The following KANSL1 variants were observed in gnomAD, a reference collection of about 807,000 sequenced individuals.
The protein encoded by KANSL1 is KAT8 regulatory NSL complex subunit 1.
A neutral mutation model predicts 103.6 loss-of-function variants in KANSL1; 22 were observed. The ratio of observed to expected loss-of-function variants is 0.21; its 90% confidence interval spans 0.15 to 0.30. KANSL1 has a LOEUF of 0.30. Among genes scored for constraint, KANSL1 ranks in the 10% least tolerant of loss-of-function variants. The pLI is 1.00. For missense variants in KANSL1, 1,337 were observed against 1,399.8 expected (o/e 0.96, Z 0.72); for synonymous variants, 600 against 527.6 (o/e 1.14, Z -1.88).
chr17:46,103,335 A>G (rs1367587729), intron 2 of KANSL1, among the ~76,000 whole-genome samples: 5 of 152,230 alleles, frequency 3.3e-5, no homozygotes, highest in African/African-American at 9.6e-5. Flanking sequence ...TACCTCATCT[A>G]TAACATCTAT....
At chr17:46,191,861 G>C (rs772589850) in intron 1 of KANSL1, among the ~76,000 whole-genome samples, 21 of 152,194 alleles carry the variant, frequency 1.4e-4, no homozygotes, top group Non-Finnish European at 2.9e-4. Flanking sequence ...GAGATTTCTC[G>C]GAACTTTGGG....
chr17:46,093,011 C>CAT (rs1192035661), intron 3 of KANSL1: 1 of 152,194 alleles, frequency 6.6e-6, no homozygotes, highest in Admixed American at 6.5e-5. Flanking sequence ...TATAAACCCA[C>CAT]ATATATATTT....
intron 1 of KANSL1, among the ~76,000 whole-genome samples, chr17:46,178,050 T>C (rs2046611675): frequency 6.6e-6 from 1 of 152,238 alleles, no homozygotes; most frequent in Admixed American, 6.5e-5. Context: ...GTGCTGGGAT[T>C]ACAGGCATGA....
At chr17:46,053,073 A>G (rs2077782572) in intron 6 of KANSL1, among the ~76,000 whole-genome samples, 2 of 146,886 alleles carry the variant, frequency 1.4e-5, no homozygotes, top group South Asian at 4.6e-4. Context: ...GGATAACCTG[A>G]GGTCAGGAGT....
intron 7 of KANSL1, among the ~76,000 whole-genome samples, chr17:46,047,391 G>A (rs2077550286): frequency 6.6e-6 from 1 of 152,180 alleles, no homozygotes; most frequent in African/African-American, 2.4e-5. Flanking sequence ...TATTGTCTAT[G>A]GCTGCTTTTG....
In KANSL1 at chr17:46,114,639, CTAATT is replaced by C. The variant is rs2042965593; in HGVS notation, c.1290-19943_1290-19939del. Among the ~76,000 whole-genome samples, 3 of 152,172 alleles carry C rather than the reference CTAATT, an allele frequency of 2.0e-5. No homozygotes were observed. In the South Asian group the frequency reaches 6.2e-4, roughly 31 times the overall value. The stretch of plus-strand genomic sequence containing the variant: ...AGCAAGAAAGAAGGTCTCTGATATA[CTAATT>C]TAAAGACATATACACTCTTGATAGA... On this transcript the variant is annotated intron_variant, in intron 2 of 14. Coordinates refer to ENST00000432791, the MANE Select transcript of KANSL1 (RefSeq NM_015443.4).
upstream of KANSL1, chr17:46,193,635 C>T (rs1367957703): frequency 1.9e-5 from 6 of 308,348 alleles, no homozygotes; most frequent in Non-Finnish European, 3.4e-5. Context: ...TGTTTTTGTA[C>T]CTCCATCTGC....
intron 2 of KANSL1, chr17:46,157,039 C>T (rs959289639): frequency 2.0e-5 from 3 of 152,202 alleles, no homozygotes; most frequent in Non-Finnish European, 4.4e-5. Context: ...CAAGGTTAAT[C>T]TTGGTGATAA....
chr17:46,100,444 C>CCCAAAAAA (rs1555763353), intron 2 of KANSL1, among the ~76,000 whole-genome samples: 1 of 88,264 alleles, frequency 1.1e-5, no homozygotes, highest in Admixed American at 1.2e-4. Flanking sequence ...TCCCTCTCCC[C>CCCAAAAAA]AAAAAAAAAA....
At chr17:46,081,675 GGTTT>G (rs1349688618) in intron 4 of KANSL1, among the ~76,000 whole-genome samples, 2 of 152,098 alleles carry the variant, frequency 1.3e-5, no homozygotes, top group African/African-American at 4.8e-5. Context: ...CTATAAGGTT[GGTTT>G]ATTTGCGGAT....
At chr17:46,105,952 C>CACACACACACACAA (rs1391201694) in intron 2 of KANSL1, among the ~76,000 whole-genome samples, 1 of 123,580 alleles carries the variant, frequency 8.1e-6, no homozygotes, top group Non-Finnish European at 1.8e-5. Flanking sequence ...CACACACCCC[C>CACACACACACACAA]CCAGAAGGGT....
rs1263813959 is a variant in KANSL1, at chr17:46,171,237, T to C, written c.907A>G (p.Lys303Glu). 6.2e-7 allele frequency: 1 copy of C among 1,613,996 alleles called. No homozygotes were observed. Among genetic ancestry groups the C allele is most frequent in the Non-Finnish European group, 8.5e-7 (1 of 1,180,046 alleles). The change falls in exon 2 of 15, where the codon AAG becomes GAG. Residue 303 changes from lysine to glutamate, a missense_variant. This residue lies in a region of KANSL1 where 557 missense variants were observed against 476.4 expected (regional missense o/e 1.17). Coordinates refer to ENST00000432791, the MANE Select transcript of KANSL1 (RefSeq NM_015443.4). ...TTGGCTTGCACAACCTGTAAGCGCT[T>C]TTGTAATCTGCGGGCACGGCTCTCA... ...DIESRARRLQ[K>E]RLQVVQAKQV...
intron 2 of KANSL1, among the ~76,000 whole-genome samples, chr17:46,112,255 C>A (rs1344088549): frequency 6.7e-6 from 1 of 149,574 alleles, no homozygotes; most frequent in Non-Finnish European, 1.5e-5. Flanking sequence ...GTAGTCCTAG[C>A]TACTCAGGAG....
At chr17:46,219,866 G>A (rs1308007094) in intron 1 of KANSL1, among the ~76,000 whole-genome samples, 7 of 152,204 alleles carry the variant, frequency 4.6e-5, no homozygotes, top group African/African-American at 9.6e-5. Context: ...CACTTTGGGA[G>A]GCCGAGTTGG....
intron 4 of KANSL1, among the ~76,000 whole-genome samples, chr17:46,080,655 C>T (rs1440681191): frequency 1.6e-4 from 24 of 152,212 alleles, no homozygotes; most frequent in Admixed American, 1.3e-3. Flanking sequence ...ATATGCTCTG[C>T]GCCCATTCTA....
At position 46,150,065 on chromosome 17, in the gene KANSL1, CA is replaced by C. The variant is rs61494872; in HGVS notation, c.1289+20789del. Among the ~76,000 whole-genome samples the C allele has an allele frequency of 5.4e-3, 581 of 107,624 alleles. 1 individual carries two copies. Among genetic ancestry groups the C allele is most frequent in the African/African-American group, 0.012 (318 of 26,150 alleles). 70.6% of individuals were successfully genotyped at this position (107,624 alleles called of 152,430 possible). The stretch of plus-strand genomic sequence containing the variant: ...AAAAAATAAAAGTCACTTTCCTTAC[CA>C]AAAAAAAAAAAAAAATAGAACTTAA... On this transcript the variant is annotated intron_variant, in intron 2 of 14. Coordinates refer to ENST00000432791, the MANE Select transcript of KANSL1 (RefSeq NM_015443.4).
chr17:46,039,571 G>A, intron 8 of KANSL1, 131 bp downstream of exon 8: 1 of 970,300 alleles, frequency 1.0e-6, no homozygotes, highest in Non-Finnish European at 1.5e-6. Flanking sequence ...AGCAGTCACT[G>A]TGAGCTGAAT....
intron 2 of KANSL1, among the ~76,000 whole-genome samples, chr17:46,140,289 G>C (rs1405491637): frequency 6.6e-6 from 1 of 152,058 alleles, no homozygotes; most frequent in Non-Finnish European, 1.5e-5. Flanking sequence ...TAAAACACAT[G>C]ATGGGGAAAA....
intron 7 of KANSL1, among the ~76,000 whole-genome samples, chr17:46,047,610 C>A (rs192493428): frequency 4.0e-5 from 6 of 151,810 alleles, no homozygotes; most frequent in Non-Finnish European, 8.8e-5. Flanking sequence ...ATAGCAAGAC[C>A]CCATCTTTGT....
Sources: gnomAD v4.1 joint callset for allele counts (sites outside exome capture counted in the v4.1 genomes callset) on GRCh38, gnomAD v4.1.1 for gene constraint, gnomAD v4.1.1 regional missense constraint, MANE v1.5 for transcripts, NCBI Gene and HGNC (gene_info 2026-07-23, HGNC 2026-07-21) for gene names.